NEGR1: variants seen among roughly 807,000 people sequenced by gnomAD.
NEGR1 encodes IgLON family member 4.
In NEGR1, 10 loss-of-function variants were observed where a neutral mutation model predicts 40.9. That is an observed-to-expected ratio of 0.24 (90% CI 0.15 to 0.42). The LOEUF (loss-of-function observed/expected upper bound fraction) is 0.42, where lower values mean the gene tolerates loss of function less well. Among genes scored for constraint, NEGR1 ranks in the 10% least tolerant of loss-of-function variants. The probability of loss-of-function intolerance (pLI) is 1.00; values close to 1 mark genes in which losing one functional copy is unlikely to be tolerated. For missense variants in NEGR1, 352 were observed against 438.9 expected, an observed-to-expected ratio of 0.80 and a Z score of 1.77; for synonymous variants, 185 against 166.8, an observed-to-expected ratio of 1.11 and a Z score of -0.84.
At chr1:72,000,325 C>T (rs537354055) in intron 1 of NEGR1, among the ~76,000 whole-genome samples, 2 of 151,792 alleles carry the variant, frequency 1.3e-5, no homozygotes, top group African/African-American at 4.8e-5. Context: ...TGTTTCCACA[C>T]AGTAGTAAAT....
intron 3 of NEGR1, among the ~76,000 whole-genome samples, chr1:71,750,160 A>AT (rs1306781164): frequency 1.4e-4 from 21 of 150,580 alleles, no homozygotes; most frequent in African/African-American, 4.9e-4. Context: ...CGCCCGGCTA[A>AT]TTTTTTGTAT....
chr1:72,066,124 G>T (rs1229806180), intron 1 of NEGR1, among the ~76,000 whole-genome samples: 1 of 152,070 alleles, frequency 6.6e-6, no homozygotes, highest in Non-Finnish European at 1.5e-5. Flanking sequence ...GTTGCCAGGG[G>T]TTTTTCCAAT....
chr1:71,642,958 G>A (rs926273533), intron 4 of NEGR1, among the ~76,000 whole-genome samples: 1 of 151,916 alleles, frequency 6.6e-6, no homozygotes, highest in African/African-American at 2.4e-5. Context: ...GTAGGGCTAA[G>A]TATATTCAGA....
chr1:71,974,689 T>C (rs2100325653), intron 1 of NEGR1, among the ~76,000 whole-genome samples: 1 of 152,324 alleles, frequency 6.6e-6, no homozygotes, highest in South Asian at 2.1e-4. Flanking sequence ...GTCTGTTTTA[T>C]ATTCAATGGT....
chr1:72,169,985 T>A (rs906749359), intron 1 of NEGR1, among the ~76,000 whole-genome samples: 2 of 152,264 alleles, frequency 1.3e-5, no homozygotes, highest in South Asian at 2.1e-4. Flanking sequence ...TTACAGTAAA[T>A]CAGGAAATTT....
chr1:71,837,908 A>G (rs1202796511), intron 2 of NEGR1, among the ~76,000 whole-genome samples: 1 of 152,150 alleles, frequency 6.6e-6, no homozygotes, highest in Non-Finnish European at 1.5e-5. Flanking sequence ...TACATTTTAA[A>G]AGTAAGATAA....
chr1:72,000,860 T>C (rs1045402819), intron 1 of NEGR1, among the ~76,000 whole-genome samples: 1 of 152,058 alleles, frequency 6.6e-6, no homozygotes, highest in African/African-American at 2.4e-5. Flanking sequence ...AGGCAGGTAG[T>C]TCGGGTGGGT....
chr1:72,045,957 C>T (rs1426665191), intron 1 of NEGR1, among the ~76,000 whole-genome samples: 1 of 151,494 alleles, frequency 6.6e-6, no homozygotes, highest in African/African-American at 2.4e-5. Flanking sequence ...AATTCCTTTG[C>T]TAAATGAATG....
intron 1 of NEGR1, among the ~76,000 whole-genome samples, chr1:72,078,993 A>T (rs116689153): frequency 0.011 from 1,599 of 151,232 alleles, 29 homozygotes; most frequent in African/African-American, 0.037. Flanking sequence ...CTATTACTGA[A>T]TATACCATTT....
intron 3 of NEGR1, among the ~76,000 whole-genome samples, chr1:71,717,005 G>A (rs911278291): frequency 2.0e-5 from 3 of 152,170 alleles, no homozygotes; most frequent in African/African-American, 7.2e-5. Flanking sequence ...TGGAAGGAAA[G>A]TGCCTGCAAA....
intron 2 of NEGR1, among the ~76,000 whole-genome samples, chr1:71,916,335 C>A (rs1337756346): frequency 6.6e-6 from 1 of 152,120 alleles, no homozygotes; most frequent in Non-Finnish European, 1.5e-5. Flanking sequence ...CCTTACTAAT[C>A]ATCAGGATAG....
At chr1:71,563,022 A>C (rs967350577) in intron 6 of NEGR1, among the ~76,000 whole-genome samples, 1 of 152,018 alleles carries the variant, frequency 6.6e-6, no homozygotes, top group Non-Finnish European at 1.5e-5. Flanking sequence ...GTCAATAGGA[A>C]GAAGGCCTTG....
intron 1 of NEGR1, among the ~76,000 whole-genome samples, chr1:72,044,063 C>T (rs868735023): frequency 2.6e-5 from 4 of 151,624 alleles, no homozygotes; most frequent in Admixed American, 6.6e-5. Flanking sequence ...AAAGACCCCC[C>T]CATACCAATC....
At chr1:71,498,621 T>A (rs1440513209) in intron 6 of NEGR1, among the ~76,000 whole-genome samples, 1 of 152,154 alleles carries the variant, frequency 6.6e-6, no homozygotes, top group Non-Finnish European at 1.5e-5. Context: ...CATAAAATTA[T>A]GGGAATGTAA....
chr1:71,917,464 C>T (rs1001444702), intron 2 of NEGR1, among the ~76,000 whole-genome samples: 2 of 152,034 alleles, frequency 1.3e-5, no homozygotes, highest in Non-Finnish European at 2.9e-5. Context: ...CTTGATAAGG[C>T]CATATCAATT....
At chr1:71,699,452 A>C (rs1653605800) in intron 3 of NEGR1, among the ~76,000 whole-genome samples, 1 of 151,852 alleles carries the variant, frequency 6.6e-6, no homozygotes, top group East Asian at 1.9e-4. Flanking sequence ...GGAAATGTAA[A>C]ACTTCTGAAG....
chr1:72,282,167 G>T, intron 1 of NEGR1, 152 bp downstream of exon 1: 1 of 950,392 alleles, frequency 1.1e-6, no homozygotes, highest in Non-Finnish European at 1.5e-6. Flanking sequence ...GGGGCTCCGG[G>T]AAGAATCTGC....
In NEGR1 at chr1:71,444,370, T is replaced by TTC. The variant is rs1569879028; in HGVS notation, c.941-36801_941-36800insGA. On this transcript the variant is annotated intron_variant, in intron 6 of 6. Transcript: ENST00000357731. ...ATACTTAAATGAATGGGCATGGCTATATTGCAATAAAATTTTATTTATTAT... is the reference window on the plus strand; with the variant it reads ...ATACTTAAATGAATGGGCATGGCTATTCATTGCAATAAAATTTTATTTATTAT... 3.9e-5 allele frequency among the ~76,000 whole-genome samples: 6 copies of TTC among 152,300 alleles called. No homozygotes were observed. The East Asian group carries it at 1.2e-3, about 29-fold the overall frequency.
chr1:71,708,789 A>C (rs1224692361), intron 3 of NEGR1, among the ~76,000 whole-genome samples: 1 of 152,122 alleles, frequency 6.6e-6, no homozygotes, highest in Non-Finnish European at 1.5e-5. Context: ...CCCACTATGC[A>C]TCCATGTGTT....
Sources: gnomAD v4.1 joint callset for allele counts (sites outside exome capture counted in the v4.1 genomes callset) on GRCh38, gnomAD v4.1.1 for gene constraint, MANE v1.5 for transcripts, NCBI Gene and HGNC (gene_info 2026-07-23, HGNC 2026-07-21) for gene names.